Variants in GTF3C1 observed in about 807,000 individuals in gnomAD.
GTF3C1 encodes general transcription factor IIIC subunit 1.
Under a neutral mutation model 226.7 loss-of-function variants are expected in GTF3C1, and 57 were observed. The observed-to-expected ratio is 0.25, with a 90% CI of 0.20 to 0.31. The LOEUF (loss-of-function observed/expected upper bound fraction) is 0.31. Among genes scored for constraint, GTF3C1 ranks in the 10% least tolerant of loss-of-function variants. GTF3C1 has a pLI of 1.00. For synonymous variants in GTF3C1, 1,090 were observed against 1,084.8 expected, an observed-to-expected ratio of 1.00 and a Z score of -0.09; for missense variants, 2,217 against 2,776.1, an observed-to-expected ratio of 0.80 and a Z score of 4.53.
chr16:27,463,761 T>C lies in GTF3C1; in HGVS notation c.5873-169A>G. The C allele has an allele frequency of 1.2e-5, 8 of 655,092 alleles. No homozygotes were observed. The highest frequency in any genetic ancestry group is 9.9e-5 in the South Asian group (6 of 60,736). 40.6% of individuals were successfully genotyped at this position (655,092 alleles called of 1,614,324 possible). A position where few individuals can be genotyped will look rare whatever the true frequency, so the allele number is the denominator to read the frequency against. On this transcript the variant is annotated intron_variant, in intron 34 of 36. Transcript: ENST00000356183. This position sits in a 1 kb window ranked among gnomAD's most constrained non-coding sequence, Gnocchi z 4.9. ...TCTCACAGAGCGGCCACCCTGGAGG[T>C]GGCAGGGCCGGGCAGACTGCCGCAC...
intron 6 of GTF3C1, among the ~76,000 whole-genome samples, chr16:27,526,404 G>C (rs1273597608): frequency 1.3e-5 from 2 of 152,142 alleles, no homozygotes; most frequent in East Asian, 1.9e-4. Context: ...TCCTATCTCT[G>C]AGCCTAGAAA....
In GTF3C1 at chr16:27,461,167, C is replaced by T. The variant is rs2087697066; in HGVS notation, c.*183G>A. The T allele has an allele frequency of 1.8e-6, 1 of 551,942 alleles. No homozygotes were observed. The highest frequency in any genetic ancestry group is 3.0e-5 in the Admixed American group (1 of 32,954). 34.2% of individuals were successfully genotyped at this position (551,942 alleles called of 1,614,324 possible). A position where few individuals can be genotyped will look rare whatever the true frequency, so the allele number is the denominator to read the frequency against. ...CTGGGGGATGGGCAGGTCGGGGAGC[C>T]CCTCTTTCCAGAGTTCCAGTACAGT... On this transcript the variant is annotated 3_prime_UTR_variant, in exon 37 of 37. Transcript: ENST00000356183. This position sits in a 1 kb window ranked among gnomAD's most constrained non-coding sequence, Gnocchi z 5.3.
chr16:27,465,227 G>A (rs12925626), intron 33 of GTF3C1, 33 bp downstream of exon 33: 238,736 of 1,602,370 alleles, frequency 0.15, 19,355 homozygotes, highest in African/African-American at 0.25. Context: ...TTTCCGCTTC[G>A]GTGATATCCG....
intron 4 of GTF3C1, 149 bp downstream of exon 4, chr16:27,537,635 T>C (rs1018516175): frequency 2.2e-5 from 13 of 604,352 alleles, no homozygotes; most frequent in Middle Eastern, 6.1e-4. Context: ...CTGGAACTCT[T>C]GGCCTCAAGC....
At position 27,511,804 on chromosome 16, in the gene GTF3C1, C is replaced by T. The variant is rs759482152; in HGVS notation, c.1071G>A (p.Val357=). The T allele has an allele frequency of 6.2e-7, 1 of 1,614,198 alleles. No individual in the cohort carries two copies. The highest frequency in any genetic ancestry group is 1.7e-5 in the Admixed American group (1 of 60,032). Reference sequence around the variant, plus strand: ...GCTCGAACACAATGTCCACTGGAGGCACTGTCTTGGAGATGACCTCCTCGT... The same window carrying T: ...GCTCGAACACAATGTCCACTGGAGGTACTGTCTTGGAGATGACCTCCTCGT... ...DEDEEVISKT[V]PPVDIVFERD... Residue 357 remains valine (V), a synonymous_variant, in exon 7 of 37, where the codon GTG becomes GTA. Coordinates refer to ENST00000356183, the MANE Select transcript of GTF3C1 (RefSeq NM_001520.4).
chr16:27,488,529 T>G, intron 22 of GTF3C1, 25 bp downstream of exon 22: 1 of 1,602,644 alleles, frequency 6.2e-7, no homozygotes, highest in Non-Finnish European at 8.6e-7. Context: ...TATTAACTTC[T>G]GGGGTGAACT....
At chr16:27,538,423 A>T in intron 2 of GTF3C1, 67 bp from the exon 3 acceptor site, 1 of 979,432 alleles carries the variant, frequency 1.0e-6, no homozygotes, top group Non-Finnish European at 1.5e-6. Context: ...GAGATAAGAA[A>T]AAGAAATGTG....
intron 23 of GTF3C1, among the ~76,000 whole-genome samples, chr16:27,486,417 T>C (rs2088139073): frequency 6.6e-6 from 1 of 152,220 alleles, no homozygotes; most frequent in African/African-American, 2.4e-5. Flanking sequence ...ATGCAGCCTC[T>C]AGTTGGTTAT....
intron 2 of GTF3C1, among the ~76,000 whole-genome samples, chr16:27,540,025 A>G (rs995443882): frequency 1.3e-5 from 2 of 152,186 alleles, no homozygotes; most frequent in Admixed American, 1.3e-4. Context: ...CCGGGAGCCA[A>G]CATCCACTCT....
chr16:27,510,835 C>T (rs925399566), intron 7 of GTF3C1, among the ~76,000 whole-genome samples: 8 of 152,166 alleles, frequency 5.3e-5, no homozygotes, highest in Non-Finnish European at 1.0e-4. Flanking sequence ...TTTTCTTTGC[C>T]CATTCATCAT....
At chr16:27,479,339 T>C (rs1035248062) in intron 27 of GTF3C1, among the ~76,000 whole-genome samples, 2 of 152,192 alleles carry the variant, frequency 1.3e-5, no homozygotes, top group Non-Finnish European at 2.9e-5. Flanking sequence ...GAGTTTCATG[T>C]AATATTATTT....
At position 27,493,168 on chromosome 16, in the gene GTF3C1, G is replaced by A. The variant is rs369361691; in HGVS notation, c.2876+31C>T. ...GACTTAAGGGTTTGTTTGGACCTGC[G>A]ACTACTCTGGGTCAGGTTCAATGGC... On this transcript the variant is annotated intron_variant, in intron 17 of 36. Transcript: ENST00000356183. 220 of 1,174,164 alleles carry A rather than the reference G, an allele frequency of 1.9e-4. 1 individual carries two copies. Among genetic ancestry groups the A allele is most frequent in the South Asian group, 1.5e-3 (125 of 82,294 alleles). The allele number at this position is 1,174,164 out of a possible 1,614,324, so 72.7% of individuals were successfully genotyped here.
intron 19 of GTF3C1, among the ~76,000 whole-genome samples, chr16:27,490,228 C>G (rs893060182): frequency 2.0e-5 from 3 of 152,224 alleles, no homozygotes; most frequent in African/African-American, 7.2e-5. Flanking sequence ...GCTCCAGGAG[C>G]AGCCAGATGT....
At chr16:27,501,085 A>ATTATG in intron 12 of GTF3C1, 106 bp downstream of exon 12, 1 of 906,870 alleles carries the variant, frequency 1.1e-6, no homozygotes, top group Non-Finnish European at 1.7e-6. Context: ...ATTCCAAGTC[A>ATTATG]CTGGTAATAA....
chr16:27,498,800 C>A (rs1160392392), intron 12 of GTF3C1, 67 bp from the exon 13 acceptor site: 1 of 788,218 alleles, frequency 1.3e-6, no homozygotes, highest in Non-Finnish European at 2.3e-6. Context: ...GCTCCACAGT[C>A]GATTCCTAGT....
rs773843888 is a variant in GTF3C1 at position 27,462,008 on chromosome 16, A to T, written c.6117+286T>A. 2 of 440,002 alleles carry T rather than the reference A, an allele frequency of 4.5e-6. No individual in the cohort carries two copies. Among genetic ancestry groups the T allele is most frequent in the Non-Finnish European group, 8.2e-6 (2 of 244,212 alleles). 27.3% of individuals were successfully genotyped at this position (440,002 alleles called of 1,614,324 possible). ...AGCTGCACCAGGGGGCAGCTGCTTG[A>T]CCCGTGGGGCCCGGCGGACTCATGA... is the stretch of plus-strand genomic sequence containing the variant. On this transcript the variant is annotated intron_variant, in intron 36 of 36. Coordinates refer to ENST00000356183, the MANE Select transcript of GTF3C1 (RefSeq NM_001520.4). This position sits in a 1 kb window ranked among gnomAD's most constrained non-coding sequence, Gnocchi z 4.5.
intron 15 of GTF3C1, 85 bp downstream of exon 15, chr16:27,495,126 A>G: frequency 9.5e-7 from 1 of 1,054,264 alleles, no homozygotes; most frequent in South Asian, 1.5e-5. Context: ...CAGTTTATAT[A>G]AGGAAAAGGA....
intron 11 of GTF3C1, among the ~76,000 whole-genome samples, chr16:27,501,771 C>G (rs564630654): frequency 2.1e-4 from 32 of 152,208 alleles, no homozygotes; most frequent in Non-Finnish European, 4.0e-4. Context: ...CTAGGTCTTA[C>G]TGAGTCACTA....
rs1243973151 is a variant in GTF3C1 at position 27,483,139 on chromosome 16, A to G, written c.4002-14T>C. ...GCCAGGCACACTCTGCAGGAAGAGGAGACAAAGCTGAAGTCTGGGAATTGC... is the reference window on the plus strand; with the variant it reads ...GCCAGGCACACTCTGCAGGAAGAGGGGACAAAGCTGAAGTCTGGGAATTGC... On this transcript the variant is annotated splice_polypyrimidine_tract_variant and intron_variant, in intron 25 of 36. Coordinates refer to ENST00000356183, the MANE Select transcript of GTF3C1 (RefSeq NM_001520.4). The G allele has an allele frequency of 6.2e-7, 1 of 1,612,906 alleles. No homozygotes were observed. Among genetic ancestry groups the G allele is most frequent in the Admixed American group, 1.7e-5 (1 of 59,986 alleles).
Sources: allele counts gnomAD v4.1 joint callset (sites outside exome capture counted in the v4.1 genomes callset), GRCh38; gene constraint gnomAD v4.1.1; non-coding constraint Gnocchi (gnomAD v3.1); transcripts MANE v1.5; gene names NCBI Gene and HGNC (gene_info 2026-07-23, HGNC 2026-07-21).